The following MEMO1 variants were observed in gnomAD, a reference collection of about 807,000 sequenced individuals.
MEMO1 encodes the protein mediator of cell motility 1.
A neutral mutation model predicts 45.2 loss-of-function variants in MEMO1; 6 were observed. The ratio of observed to expected loss-of-function variants is 0.13; its 90% CI spans 0.07 to 0.26. MEMO1 has a LOEUF of 0.26. Ranked by LOEUF, MEMO1 falls within the 10% of genes least tolerant of loss-of-function variation. The pLI, the probability that MEMO1 is intolerant of heterozygous loss-of-function variation, is 1.00. For missense variants in MEMO1, 184 were observed against 370.5 expected (o/e 0.50, Z 4.13); for synonymous variants, 78 against 124.3 (o/e 0.63, Z 2.48).
chr2:31,978,876 T>A (rs951817613), intron 2 of MEMO1, among the ~76,000 whole-genome samples: 11 of 152,210 alleles, frequency 7.2e-5, no homozygotes. Context: ...ATTAGGTATG[T>A]CTCAAAATTT....
At chr2:31,874,019 T>C (rs1459600857) in intron 8 of MEMO1, among the ~76,000 whole-genome samples, 4 of 151,968 alleles carry the variant, frequency 2.6e-5, no homozygotes, top group Non-Finnish European at 4.4e-5. Context: ...TTTAAAACAG[T>C]AGGAAGGAAG....
At chr2:31,963,130 T>C in intron 2 of MEMO1, 2 of 1,502,076 alleles carry the variant, frequency 1.3e-6, no homozygotes, top group Non-Finnish European at 1.8e-6. Flanking sequence ...CACCATTAGC[T>C]CTCCCATTTC....
At chr2:31,906,458 G>T (rs1217483027) in intron 6 of MEMO1, among the ~76,000 whole-genome samples, 1 of 151,664 alleles carries the variant, frequency 6.6e-6, no homozygotes, top group African/African-American at 2.4e-5. Context: ...CAAGTAGCTT[G>T]GATTACAGGC....
chr2:31,907,412 A>G (rs926631507), intron 6 of MEMO1, among the ~76,000 whole-genome samples: 6 of 152,220 alleles, frequency 3.9e-5, no homozygotes, highest in African/African-American at 1.4e-4. Flanking sequence ...CATCTACTAT[A>G]TTTGAAAAAT....
intron 8 of MEMO1, among the ~76,000 whole-genome samples, chr2:31,878,047 C>T (rs923139281): frequency 6.6e-6 from 1 of 152,016 alleles, no homozygotes. Flanking sequence ...GAACAGGGTA[C>T]GGTGGACTGG....
At chr2:32,008,998 T>A (rs1332682333) in intron 2 of MEMO1, among the ~76,000 whole-genome samples, 1 of 152,202 alleles carries the variant, frequency 6.6e-6, no homozygotes, top group African/African-American at 2.4e-5. Flanking sequence ...TTAGGTCTAG[T>A]TATTGACAAG....
Position 32,003,267 on chromosome 2 carries a change from A to T in MEMO1, c.61+6920T>A, listed in dbSNP as rs949555970. Among the ~76,000 whole-genome samples the T allele has an allele frequency of 9.2e-5, 14 of 152,344 alleles. No homozygotes were observed. In the East Asian group the frequency reaches 2.7e-3, roughly 29 times the overall value. On this transcript the variant is annotated intron_variant, in intron 2 of 9. Transcript: ENST00000404530. Reference sequence around the variant, plus strand: ...GAAACATAGTAGAATTAATGAAAACAAAAACTAAAACTGCATTTAAGATAT... The same window carrying T: ...GAAACATAGTAGAATTAATGAAAACTAAAACTAAAACTGCATTTAAGATAT...
At chr2:31,985,181 T>C (rs964588650) in intron 2 of MEMO1, among the ~76,000 whole-genome samples, 1 of 152,178 alleles carries the variant, frequency 6.6e-6, no homozygotes, top group Non-Finnish European at 1.5e-5. Context: ...TGGTCCCCAC[T>C]GGTTTTTTAA....
intron 7 of MEMO1, 60 bp from the exon 8 acceptor site, chr2:31,883,522 C>G (rs978751844): frequency 8.2e-7 from 1 of 1,212,286 alleles, no homozygotes; most frequent in Non-Finnish European, 1.2e-6. Flanking sequence ...AAAAAGAAAG[C>G]AAGCGCTTAC....
chr2:31,988,759 C>T (rs1011033445), intron 2 of MEMO1, among the ~76,000 whole-genome samples: 2 of 152,130 alleles, frequency 1.3e-5, no homozygotes. Flanking sequence ...TCTTAATATT[C>T]TGTGCACTTA....
intron 2 of MEMO1, among the ~76,000 whole-genome samples, chr2:31,969,326 T>C (rs1174222935): frequency 2.0e-5 from 3 of 149,942 alleles, no homozygotes; most frequent in Non-Finnish European, 4.4e-5. Context: ...ATGTGTGATA[T>C]GTGTGTATAT....
Position 31,991,382 on chromosome 2 carries a change from A to C in MEMO1, c.61+18805T>G, listed in dbSNP as rs1671926668. 2.0e-5 allele frequency among the ~76,000 whole-genome samples: 3 copies of C among 152,238 alleles called. No homozygotes were observed. In the South Asian group the frequency reaches 6.2e-4, roughly 32 times the overall value. On this transcript the variant is annotated intron_variant, in intron 2 of 9. Coordinates refer to ENST00000404530, the MANE Select transcript of MEMO1 (RefSeq NM_001301833.4). Reference sequence around the variant, plus strand: ...AGGTCTGGAGGTCGAGACCAGCATGACCAACACGGAGAAACCCCGTCTCTA... The same window carrying C: ...AGGTCTGGAGGTCGAGACCAGCATGCCCAACACGGAGAAACCCCGTCTCTA...
At position 31,905,380 on chromosome 2, in the gene MEMO1, G is replaced by C. The variant is rs532314678; in HGVS notation, c.437+12546C>G. Among the ~76,000 whole-genome samples the C allele has an allele frequency of 6.6e-5, 10 of 152,294 alleles. No homozygotes were observed. In the South Asian group the frequency reaches 1.7e-3, roughly 25 times the overall value. ...AAGTCATTATAAATCTTTACTGTTT[G>C]ATCAGTTAAATGAATGCAATGAGAT... On this transcript the variant is annotated intron_variant, in intron 6 of 9. Transcript: ENST00000404530.
intron 2 of MEMO1, among the ~76,000 whole-genome samples, chr2:31,999,357 T>A (rs1672987123): frequency 6.6e-6 from 1 of 152,134 alleles, no homozygotes. Context: ...AATGACCATC[T>A]GACTCAAGTA....
intron 5 of MEMO1, 80 bp downstream of exon 5, chr2:31,920,718 C>A: frequency 2.7e-6 from 2 of 741,062 alleles, no homozygotes; most frequent in Admixed American, 3.2e-5. Context: ...TTATGATATT[C>A]ATAAGTTTTT....
At chr2:31,942,336 C>T (rs1375166625) in intron 3 of MEMO1, among the ~76,000 whole-genome samples, 1 of 152,002 alleles carries the variant, frequency 6.6e-6, no homozygotes, top group Admixed American at 6.6e-5. Context: ...TAAAAATCAT[C>T]GGGATTAAAT....
chr2:31,965,995 A>G (rs989399054), intron 2 of MEMO1, among the ~76,000 whole-genome samples: 1 of 152,206 alleles, frequency 6.6e-6, no homozygotes, highest in Non-Finnish European at 1.5e-5. Flanking sequence ...TTTTAAAATG[A>G]GGATAAAACA....
At chr2:31,937,898 G>A (rs1213463339) in intron 3 of MEMO1, among the ~76,000 whole-genome samples, 2 of 152,154 alleles carry the variant, frequency 1.3e-5, no homozygotes, top group East Asian at 3.9e-4. Flanking sequence ...AGGGGTTGCT[G>A]ACATATTTCT....
At position 31,977,422 on chromosome 2, in the gene MEMO1, A is replaced by G. The variant is rs80072196; in HGVS notation, c.61+32765T>C. Among the ~76,000 whole-genome samples the G allele has an allele frequency of 2.0e-3, 311 of 152,308 alleles. 10 individuals are homozygous for G. The East Asian group carries it at 0.054, about 26-fold the overall frequency. ...CTAAAATCTTTAACCTTAAGTCACA[A>G]TGATGACCGCAGGAAAACAACATCT... On this transcript the variant is annotated intron_variant, in intron 2 of 9. Coordinates refer to ENST00000404530, the MANE Select transcript of MEMO1 (RefSeq NM_001301833.4).
Sources: gnomAD v4.1 joint callset for allele counts (sites outside exome capture counted in the v4.1 genomes callset) on GRCh38, gnomAD v4.1.1 for gene constraint, MANE v1.5 for transcripts, NCBI Gene and HGNC (gene_info 2026-07-23, HGNC 2026-07-21) for gene names.